Variants in SFTPD observed in about 807,000 individuals in gnomAD.
SFTPD encodes the protein surfactant protein D, also known as pulmonary surfactant-associated protein D.
SFTPD carries 18 observed loss-of-function variants against 34.6 expected under a neutral mutation model. That is an observed-to-expected ratio of 0.52 (90% CI 0.36 to 0.77). The LOEUF is 0.77. Among genes scored for constraint, SFTPD ranks in the 30% least tolerant of loss-of-function variants. The pLI is 0.00. For missense variants in SFTPD, 433 were observed against 468.9 expected (o/e 0.92, Z 0.71); for synonymous variants, 155 against 180.9 (o/e 0.86, Z 1.15).
At chr10:79,978,264 G>A (rs189152096) in intron 1 of SFTPD, among the ~76,000 whole-genome samples, 2 of 152,254 alleles carry the variant, frequency 1.3e-5, no homozygotes, top group East Asian at 1.9e-4. Context: ...TAGTGTGAAG[G>A]AAATATCCAT....
Position 79,941,984 on chromosome 10 carries a change from G to T in SFTPD, c.520C>A (p.Arg174Ser). ...PKGERGVPGERGVPGNTGAAG... is the reference protein window; with the variant it reads ...PKGERGVPGESGVPGNTGAAG... The stretch of plus-strand genomic sequence containing the variant: ...GCCCCTGTGTTTCCAGGGACTCCAC[G>T]CTCACCAGGGACACCTCGCTCTCCC... Residue 174 changes from arginine (R) to serine (S), a missense_variant, in exon 5 of 8, where the codon CGT becomes AGT. By Grantham distance (110) the Arg-to-Ser change is moderately radical. Transcript: ENST00000372292. 6.2e-7 allele frequency: 1 copy of T among 1,613,640 alleles called. No homozygotes were observed. Among genetic ancestry groups the T allele is most frequent in the Non-Finnish European group, 8.5e-7 (1 of 1,179,666 alleles).
In SFTPD at chr10:79,942,437, G is replaced by T. The variant is rs1842623081; in HGVS notation, c.384C>A (p.Asn128Lys). Residue 128 changes from asparagine (N) to lysine (K), a missense_variant, in exon 4 of 8, where the codon AAC becomes AAA. By Grantham distance (94) the Asn-to-Lys change is moderately conservative. Transcript: ENST00000372292. ...GGCCTGGCTTGCCCTGAGGTCCTAT[G>T]TTCCCCTGCTTCCCCAGGGGACCTT... is the stretch of plus-strand genomic sequence containing the variant. ...GREGPLGKQG[N>K]IGPQGKPGPK... 6.2e-7 allele frequency: 1 copy of T among 1,613,422 alleles called. No homozygotes were observed. Among genetic ancestry groups the T allele is most frequent in the African/African-American group, 1.3e-5 (1 of 74,884 alleles).
At chr10:79,955,625 C>T (rs891591900) in intron 1 of SFTPD, among the ~76,000 whole-genome samples, 1 of 152,192 alleles carries the variant, frequency 6.6e-6, no homozygotes, top group African/African-American at 2.4e-5. Flanking sequence ...AATCTGTTCA[C>T]TAGATTCTGC....
In SFTPD at chr10:79,966,916, G is replaced by T. The variant is rs893596148; in HGVS notation, c.36+15659C>A. ...CAAGACAGGGATGCCCTCTCTCACTGCTCCTATTCAACATAGTGTTGGACG... is the reference window on the plus strand; with the variant it reads ...CAAGACAGGGATGCCCTCTCTCACTTCTCCTATTCAACATAGTGTTGGACG... On this transcript the variant is annotated intron_variant, in intron 1 of 5. Coordinates refer to the SFTPD transcript ENST00000444384. Among the ~76,000 whole-genome samples, 2 of 147,726 alleles carry T rather than the reference G, an allele frequency of 1.4e-5. 1 individual carries two copies. The highest frequency in any genetic ancestry group is 5.1e-5 in the African/African-American group (2 of 39,252).
In SFTPD at chr10:79,937,942, G is replaced by A. The variant is rs1167219371; in HGVS notation, c.1038C>T (p.Gly346=). Residue 346 remains glycine, a synonymous_variant, in exon 8 of 8, where the codon GGC becomes GGT. Coordinates refer to ENST00000372292, the MANE Select transcript of SFTPD (RefSeq NM_003019.5). ...AGATCTCCACACAGTCCTCTGACCC[G>A]CCATCATCGTTGGGCTCCCCTGGGG... ...NWAPGEPNDD[G]GSEDCVEIFT... is the part of the protein sequence containing the mutation. 5.0e-6 allele frequency: 8 copies of A among 1,611,818 alleles called. No individual in the cohort carries two copies. The highest frequency in any genetic ancestry group is 2.7e-5 in the African/African-American group (2 of 74,742).
chr10:79,979,946 A>T (rs940828297), intron 1 of SFTPD, among the ~76,000 whole-genome samples: 14 of 152,176 alleles, frequency 9.2e-5, no homozygotes, highest in African/African-American at 2.9e-4. Flanking sequence ...CAGTAAAATA[A>T]AGCACCAAGC....
intron 1 of SFTPD, among the ~76,000 whole-genome samples, chr10:79,975,185 A>G (rs901115109): frequency 3.9e-5 from 6 of 152,128 alleles, no homozygotes; most frequent in African/African-American, 1.4e-4. Flanking sequence ...TGGGGCAACT[A>G]CTTTTTGCCC....
intron 1 of SFTPD, among the ~76,000 whole-genome samples, chr10:79,967,723 G>T (rs1028707844): frequency 1.3e-5 from 2 of 151,926 alleles, no homozygotes; most frequent in Non-Finnish European, 2.9e-5. Flanking sequence ...CTGAGCCCAG[G>T]CCTGCACGTA....
intron 7 of SFTPD, among the ~76,000 whole-genome samples, chr10:79,939,578 G>A (rs568258177): frequency 5.9e-5 from 9 of 152,152 alleles, no homozygotes; most frequent in Non-Finnish European, 1.2e-4. Context: ...GGTGGAGTGA[G>A]TGATGGTGTT....
chr10:79,964,476 C>T (rs1842792412), intron 1 of SFTPD, among the ~76,000 whole-genome samples: 1 of 152,162 alleles, frequency 6.6e-6, no homozygotes, highest in Admixed American at 6.5e-5. Context: ...CCCACCTACT[C>T]CCCCACTGAA....
intron 1 of SFTPD, among the ~76,000 whole-genome samples, chr10:79,968,030 A>T (rs538167132): frequency 6.6e-6 from 1 of 151,952 alleles, no homozygotes; most frequent in African/African-American, 2.4e-5. Context: ...TTGCTCAGAA[A>T]AAAAAAAAAA....
At chr10:79,973,597 G>A (rs962091474) in intron 1 of SFTPD, among the ~76,000 whole-genome samples, 8 of 126,972 alleles carry the variant, frequency 6.3e-5, no homozygotes, top group East Asian at 2.2e-4. Flanking sequence ...CAGCCTAGGC[G>A]ACAGAGCAAG....
chr10:79,955,449 AAAACAAAC>A (rs571260122), intron 1 of SFTPD, among the ~76,000 whole-genome samples: 1 of 152,160 alleles, frequency 6.6e-6, no homozygotes, highest in African/African-American at 2.4e-5. Context: ...AAAACAAAAC[AAAACAAAC>A]AAACAAACAA....
At chr10:79,939,249 C>T (rs979136176) in intron 7 of SFTPD, among the ~76,000 whole-genome samples, 1 of 152,216 alleles carries the variant, frequency 6.6e-6, no homozygotes, top group Non-Finnish European at 1.5e-5. Flanking sequence ...GGAAATCTTC[C>T]GCAAAGGACA....
rs148973610 is a variant in SFTPD, at chr10:79,946,477, G to A, written c.183C>T (p.Gly61=). 15 of 1,613,700 alleles carry A rather than the reference G, an allele frequency of 9.3e-6. No homozygotes were observed. Among genetic ancestry groups the A allele is most frequent in the Admixed American group, 5.0e-5 (3 of 60,020 alleles). The change falls in exon 2 of 8, where the codon GGC becomes GGT. Residue 61 remains glycine, a synonymous_variant. Coordinates refer to ENST00000372292, the MANE Select transcript of SFTPD (RefSeq NM_003019.5). ...CCACCCTACCTGGGTCCCCCTTCTC[G>A]CCCCGAGGGCCCTCTCTCCCATCCC... ...DGRDGREGPR[G]EKGDPGLPGA...
At chr10:79,949,528 A>T (rs1027039190), upstream of SFTPD, among the ~76,000 whole-genome samples, 1 of 152,196 alleles carries the variant, frequency 6.6e-6, no homozygotes, top group African/African-American at 2.4e-5. Context: ...CACTGCCCAG[A>T]TATTGGGAAA....
chr10:79,960,161 A>G (rs2132513205), intron 1 of SFTPD, among the ~76,000 whole-genome samples: 1 of 151,862 alleles, frequency 6.6e-6, no homozygotes, highest in East Asian at 1.9e-4. Context: ...AATAAGAGCT[A>G]TCTATGACAA....
intron 1 of SFTPD, among the ~76,000 whole-genome samples, chr10:79,967,979 T>C (rs57062544): frequency 0.077 from 11,591 of 150,608 alleles, 889 homozygotes; most frequent in East Asian, 0.39. Flanking sequence ...CTCTCTTTTC[T>C]GACTCAGCCC....
Position 79,941,503 on chromosome 10 carries a change from C to T in SFTPD, c.562G>A (p.Ala188Thr), listed in dbSNP as rs765160947. ...CCTGGACTTCCCTGGGGACCCATGG[C>T]TCCAGCAGACCCTGGGGTAAAAGAA... ...GNTGAAGSAG[A>T]MGPQGSPGAR... Residue 188 changes from alanine (A) to threonine (T), a missense_variant, in exon 6 of 8, where the codon GCC (alanine) becomes ACC (threonine). Ala to Thr is a moderately conservative substitution (Grantham distance 58). Coordinates refer to ENST00000372292, the MANE Select transcript of SFTPD (RefSeq NM_003019.5). 6 of 1,604,732 alleles carry T rather than the reference C, an allele frequency of 3.7e-6. No individual in the cohort carries two copies. The highest frequency in any genetic ancestry group is 5.1e-6 in the Non-Finnish European group (6 of 1,176,360).
Sources: gnomAD v4.1 joint callset for allele counts (sites outside exome capture counted in the v4.1 genomes callset) on GRCh38, gnomAD v4.1.1 for gene constraint, MANE v1.5 for transcripts, NCBI Gene and HGNC (gene_info 2026-07-23, HGNC 2026-07-21) for gene names.